MTHFD1L: variants seen among roughly 807,000 people sequenced by gnomAD.
MTHFD1L encodes methylenetetrahydrofolate dehydrogenase (NADP+ dependent) 1 like, also known as monofunctional C1-tetrahydrofolate synthase, mitochondrial.
MTHFD1L carries 81 observed loss-of-function variants against 119.5 expected under a neutral mutation model. The observed-to-expected ratio is 0.68, with a 90% CI of 0.57 to 0.82. The LOEUF is 0.82. Ranked by LOEUF, MTHFD1L falls within the 40% of genes least tolerant of loss-of-function variation. The pLI, the probability that MTHFD1L is intolerant of heterozygous loss-of-function variation, is 0.00. For missense variants in MTHFD1L, 1,125 were observed against 1,253.4 expected (o/e 0.90, Z 1.55); for synonymous variants, 430 against 475.2 (o/e 0.90, Z 1.24).
At position 150,918,686 on chromosome 6, in the gene MTHFD1L, G is replaced by A. The variant is rs755298070; in HGVS notation, c.984+18G>A. 7.5e-6 allele frequency: 12 copies of A among 1,598,994 alleles called. No individual in the cohort carries two copies. The highest frequency in any genetic ancestry group is 6.7e-5 in the African/African-American group (5 of 74,518). On this transcript the variant is annotated intron_variant, in intron 9 of 27. Coordinates refer to ENST00000367321, the MANE Select transcript of MTHFD1L (RefSeq NM_015440.5). ...GAATTCAGGTTTGTTCAACATAGCT[G>A]TCTGAGAATCTTGAGTTTGGAAGTT...
At chr6:150,990,942 G>A (rs1018200937) in intron 20 of MTHFD1L, among the ~76,000 whole-genome samples, 7 of 152,080 alleles carry the variant, frequency 4.6e-5, no homozygotes, top group Non-Finnish European at 1.0e-4. Flanking sequence ...TGCAACCTCC[G>A]CCTCCTGCGT....
At position 151,044,326 on chromosome 6, in the gene MTHFD1L, G is replaced by C. The variant is rs186654427; in HGVS notation, c.2847+7209G>C. Among the ~76,000 whole-genome samples the C allele has an allele frequency of 4.1e-4, 60 of 147,776 alleles. No individual in the cohort carries two copies. The East Asian group carries it at 9.4e-3, about 23-fold the overall frequency. On this transcript the variant is annotated intron_variant, in intron 26 of 27. Coordinates refer to ENST00000367321, the MANE Select transcript of MTHFD1L (RefSeq NM_015440.5). The stretch of plus-strand genomic sequence containing the variant: ...TTTTTTTTTTCTTTTTTTTGAGACA[G>C]AGTCTCACTCTGTCACCTGGGCTGG...
chr6:150,915,952 C>A (rs1190875036), intron 8 of MTHFD1L, among the ~76,000 whole-genome samples: 1 of 152,044 alleles, frequency 6.6e-6, no homozygotes, highest in Non-Finnish European at 1.5e-5. Context: ...TGAGAGAGGC[C>A]CGTTTGTGGA....
intron 24 of MTHFD1L, among the ~76,000 whole-genome samples, chr6:151,026,899 G>C (rs1215924389): frequency 8.3e-6 from 1 of 120,570 alleles, no homozygotes; most frequent in Non-Finnish European, 1.6e-5. Flanking sequence ...CACGATCTCA[G>C]CTCACTGCAG....
At chr6:151,030,711 C>T (rs1286346553) in intron 24 of MTHFD1L, among the ~76,000 whole-genome samples, 3 of 152,112 alleles carry the variant, frequency 2.0e-5, no homozygotes, top group Non-Finnish European at 4.4e-5. Context: ...CACAGGGAAC[C>T]CAAGCTTAGT....
At chr6:150,946,272 C>T (rs775025238) in intron 15 of MTHFD1L, among the ~76,000 whole-genome samples, 12 of 152,186 alleles carry the variant, frequency 7.9e-5, no homozygotes, top group Non-Finnish European at 1.3e-4. Flanking sequence ...GCCTCAGCCT[C>T]CCAAGTAGCT....
chr6:150,885,667 A>T lies in MTHFD1L; in HGVS notation c.576A>T (p.Arg192=), dbSNP rs1341370539. Residue 192 remains arginine (R), a synonymous_variant, in exon 6 of 28, where the codon CGA becomes CGT. Coordinates refer to ENST00000367321, the MANE Select transcript of MTHFD1L (RefSeq NM_015440.5). The part of the protein sequence containing the change: ...VTDINLGKLV[R]GDAHECFVSP... ...ACATAAACCTGGGGAAGCTGGTGCG[A>T]GGGGATGCCCATGAATGTTTTGTTT... 1 of 1,613,944 alleles carries T rather than the reference A, an allele frequency of 6.2e-7. No individual in the cohort carries two copies. Among genetic ancestry groups the T allele is most frequent in the Non-Finnish European group, 8.5e-7 (1 of 1,179,970 alleles).
At chr6:150,879,627 T>G (rs1360773214) in intron 4 of MTHFD1L, among the ~76,000 whole-genome samples, 1 of 146,204 alleles carries the variant, frequency 6.8e-6, no homozygotes, top group Non-Finnish European at 1.5e-5. Flanking sequence ...CACTGGTGTT[T>G]TTTTTTTTTT....
At chr6:151,088,085 T>C (rs1488117928) in intron 26 of MTHFD1L, 1 of 151,972 alleles carries the variant, frequency 6.6e-6, no homozygotes, top group African/African-American at 2.4e-5. Context: ...TCTGGGGGGG[T>C]GACAATCCTT....
chr6:151,004,750 C>T (rs966301764), intron 20 of MTHFD1L, among the ~76,000 whole-genome samples: 2 of 152,244 alleles, frequency 1.3e-5, no homozygotes, highest in African/African-American at 2.4e-5. Context: ...GCTATAGAAT[C>T]ACTATCTAGC....
At chr6:150,866,183 G>A (rs1778265351) in intron 1 of MTHFD1L, 134 bp downstream of exon 1, 3 of 1,360,096 alleles carry the variant, frequency 2.2e-6, no homozygotes, top group Admixed American at 2.8e-5. Flanking sequence ...TAGGGGGGCC[G>A]GGCGGTGTGT....
At chr6:151,099,696 C>T (rs372246837) in intron 27 of MTHFD1L, 5 of 1,607,844 alleles carry the variant, frequency 3.1e-6, no homozygotes, top group East Asian at 4.5e-5. Flanking sequence ...TGATGCCCAA[C>T]ACTGGTTATG....
chr6:151,005,634 C>T (rs975696797), intron 20 of MTHFD1L, among the ~76,000 whole-genome samples: 1 of 152,056 alleles, frequency 6.6e-6, no homozygotes, highest in African/African-American at 2.4e-5. Flanking sequence ...ATTAGCCGGG[C>T]ATGATGGCGG....
At chr6:150,910,125 G>A (rs967047949) in intron 8 of MTHFD1L, among the ~76,000 whole-genome samples, 1 of 151,858 alleles carries the variant, frequency 6.6e-6, no homozygotes, top group Non-Finnish European at 1.5e-5. Context: ...AGGTTGCAGT[G>A]AGCCGAGATC....
chr6:151,064,584 A>G (rs573189569), intron 26 of MTHFD1L, among the ~76,000 whole-genome samples: 1 of 152,294 alleles, frequency 6.6e-6, no homozygotes, highest in South Asian at 2.1e-4. Flanking sequence ...AAGTGCTGGA[A>G]TTATAGGCAT....
intron 26 of MTHFD1L, among the ~76,000 whole-genome samples, chr6:151,046,901 G>C (rs1788178934): frequency 6.6e-6 from 1 of 152,182 alleles, no homozygotes; most frequent in African/African-American, 2.4e-5. Flanking sequence ...TAAGAAAAGG[G>C]TCAAGCTTTA....
At chr6:150,880,465 C>T (rs1326569171) in intron 4 of MTHFD1L, among the ~76,000 whole-genome samples, 1 of 152,240 alleles carries the variant, frequency 6.6e-6, no homozygotes, top group Admixed American at 6.5e-5. Context: ...GAATGATACT[C>T]CATTGTGTAT....
At chr6:150,919,256 C>G (rs953948868) in intron 9 of MTHFD1L, among the ~76,000 whole-genome samples, 2 of 151,680 alleles carry the variant, frequency 1.3e-5, no homozygotes, top group African/African-American at 4.8e-5. Context: ...CAGAGTCTCA[C>G]TTTGTCACCC....
intron 20 of MTHFD1L, 133 bp downstream of exon 20, chr6:150,972,191 A>G: frequency 2.7e-6 from 2 of 750,054 alleles, no homozygotes; most frequent in Admixed American, 2.7e-5. Context: ...GAGGGTCTCA[A>G]TAATGGAAAA....
Sources: gnomAD v4.1 joint callset for allele counts (sites outside exome capture counted in the v4.1 genomes callset) on GRCh38, gnomAD v4.1.1 for gene constraint, MANE v1.5 for transcripts, NCBI Gene and HGNC (gene_info 2026-07-23, HGNC 2026-07-21) for gene names.